NXPH1: variants seen among roughly 807,000 people sequenced by gnomAD.
NXPH1 encodes neurexophilin 1.
NXPH1 carries 5 observed loss-of-function variants against 23.7 expected under a neutral mutation model. The observed-to-expected ratio is 0.21, with a 90% CI of 0.11 to 0.44. The LOEUF (loss-of-function observed/expected upper bound fraction) is 0.44, where lower values mean the gene tolerates loss of function less well. Among genes scored for constraint, NXPH1 ranks in the 20% least tolerant of loss-of-function variants. The pLI, the probability that NXPH1 is intolerant of heterozygous loss-of-function variation, is 0.99. For synonymous variants in NXPH1, 144 were observed against 122.2 expected, an observed-to-expected ratio of 1.18 and a Z score of -1.18; for missense variants, 324 against 321.6, an observed-to-expected ratio of 1.01 and a Z score of -0.06.
intron 2 of NXPH1, among the ~76,000 whole-genome samples, chr7:8,697,774 T>G (rs1410143145): frequency 6.6e-6 from 1 of 152,090 alleles, no homozygotes; most frequent in Non-Finnish European, 1.5e-5. Context: ...GCAAACATGT[T>G]CCAGAGAGCG....
At chr7:8,473,638 T>C (rs1816911175) in intron 2 of NXPH1, among the ~76,000 whole-genome samples, 1 of 152,138 alleles carries the variant, frequency 6.6e-6, no homozygotes, top group Non-Finnish European at 1.5e-5. Context: ...CTATGCTGTG[T>C]TTTCTGTATA....
At chr7:8,683,132 C>T (rs910893379) in intron 2 of NXPH1, among the ~76,000 whole-genome samples, 2 of 152,138 alleles carry the variant, frequency 1.3e-5, no homozygotes, top group African/African-American at 4.8e-5. Flanking sequence ...AGCTTTTATC[C>T]AGGTCGAAGG....
At chr7:8,678,585 C>G (rs1183879835) in intron 2 of NXPH1, among the ~76,000 whole-genome samples, 1 of 152,092 alleles carries the variant, frequency 6.6e-6, no homozygotes, top group Non-Finnish European at 1.5e-5. Context: ...GGGCACCCAT[C>G]CTCTCGTGAT....
At chr7:8,658,946 G>A (rs1820626755) in intron 2 of NXPH1, among the ~76,000 whole-genome samples, 1 of 151,686 alleles carries the variant, frequency 6.6e-6, no homozygotes, top group African/African-American at 2.4e-5. Context: ...TAAATGCTGT[G>A]ATTTACAGAA....
At chr7:8,665,904 T>A (rs1251754509) in intron 2 of NXPH1, among the ~76,000 whole-genome samples, 4 of 71,226 alleles carry the variant, frequency 5.6e-5, no homozygotes, top group East Asian at 6.6e-3. Flanking sequence ...TCTAAGAGGT[T>A]TTTTTTTCTT....
At chr7:8,693,790 G>T (rs1343407489) in intron 2 of NXPH1, among the ~76,000 whole-genome samples, 2 of 152,084 alleles carry the variant, frequency 1.3e-5, no homozygotes, top group African/African-American at 4.8e-5. Flanking sequence ...GCTTAAATAA[G>T]TACATACTTG....
At chr7:8,516,345 A>T (rs1817686838) in intron 2 of NXPH1, among the ~76,000 whole-genome samples, 1 of 152,134 alleles carries the variant, frequency 6.6e-6, no homozygotes, top group South Asian at 2.1e-4. Context: ...ACCTTAAGGC[A>T]ATAGAATCAT....
chr7:8,462,155 T>G (rs1816706782), intron 2 of NXPH1, among the ~76,000 whole-genome samples: 1 of 152,040 alleles, frequency 6.6e-6, no homozygotes, highest in African/African-American at 2.4e-5. Context: ...TTCAAGTGAT[T>G]CTCCCACCTC....
chr7:8,574,398 C>A (rs191120903), intron 2 of NXPH1, among the ~76,000 whole-genome samples: 1 of 152,142 alleles, frequency 6.6e-6, no homozygotes, highest in Admixed American at 6.5e-5. Context: ...CTGACTCGAA[C>A]TGACTTTATT....
At chr7:8,715,462 G>C (rs1257332690) in intron 2 of NXPH1, among the ~76,000 whole-genome samples, 1 of 152,108 alleles carries the variant, frequency 6.6e-6, no homozygotes, top group African/African-American at 2.4e-5. Context: ...TTCCTGCAGG[G>C]AGGACAATTG....
intron 2 of NXPH1, among the ~76,000 whole-genome samples, chr7:8,693,805 G>C (rs977274633): frequency 5.3e-5 from 8 of 151,930 alleles, no homozygotes; most frequent in African/African-American, 1.9e-4. Flanking sequence ...TACTTGCTTT[G>C]AACTATTTTT....
intron 2 of NXPH1, among the ~76,000 whole-genome samples, chr7:8,581,504 T>C (rs1818871618): frequency 6.6e-6 from 1 of 152,166 alleles, no homozygotes; most frequent in Non-Finnish European, 1.5e-5. Context: ...TCACTCACTG[T>C]CATGGAACAG....
intron 2 of NXPH1, among the ~76,000 whole-genome samples, chr7:8,722,779 C>T (rs539004064): frequency 2.4e-4 from 37 of 152,290 alleles, no homozygotes; most frequent in African/African-American, 8.4e-4. Flanking sequence ...ACCTTCATCA[C>T]AATTTTGGCT....
chr7:8,450,461 T>C (rs1333788854), intron 2 of NXPH1, among the ~76,000 whole-genome samples: 1 of 152,264 alleles, frequency 6.6e-6, no homozygotes, highest in East Asian at 1.9e-4. Context: ...TCTGCATGTG[T>C]AAAGATGAAG....
At chr7:8,705,780 A>C (rs1779695117) in intron 2 of NXPH1, among the ~76,000 whole-genome samples, 1 of 152,170 alleles carries the variant, frequency 6.6e-6, no homozygotes, top group Non-Finnish European at 1.5e-5. Flanking sequence ...TCATCAGTGT[A>C]TCTTTAAAGT....
At chr7:8,468,152 A>G (rs1308327611) in intron 2 of NXPH1, among the ~76,000 whole-genome samples, 2 of 152,128 alleles carry the variant, frequency 1.3e-5, no homozygotes, top group Non-Finnish European at 2.9e-5. Flanking sequence ...AGAATAAATA[A>G]TCAATATAAA....
At chr7:8,528,176 A>G (rs1817894345) in intron 2 of NXPH1, among the ~76,000 whole-genome samples, 1 of 152,200 alleles carries the variant, frequency 6.6e-6, no homozygotes, top group Non-Finnish European at 1.5e-5. Flanking sequence ...AAGGGAGCAA[A>G]GGCTTATCTT....
intron 2 of NXPH1, among the ~76,000 whole-genome samples, chr7:8,485,359 G>C (rs1817141892): frequency 2.0e-5 from 3 of 152,064 alleles, no homozygotes; most frequent in Admixed American, 2.0e-4. Flanking sequence ...ACCCAGTCTT[G>C]GGTATGTCTT....
At chr7:8,722,924 GA>G (rs1163140247) in intron 2 of NXPH1, among the ~76,000 whole-genome samples, 1 of 152,130 alleles carries the variant, frequency 6.6e-6, no homozygotes, top group African/African-American at 2.4e-5. Flanking sequence ...AACAGTCATG[GA>G]TTTTCATGAC....
Sources: gnomAD v4.1 joint callset for allele counts (sites outside exome capture counted in the v4.1 genomes callset) on GRCh38, gnomAD v4.1.1 for gene constraint, MANE v1.5 for transcripts, NCBI Gene and HGNC (gene_info 2026-07-23, HGNC 2026-07-21) for gene names.